Variants in STRN observed in about 807,000 individuals in gnomAD.
The protein encoded by STRN is striatin.
STRN carries 53 observed loss-of-function variants against 96.3 expected under a neutral mutation model. The ratio of observed to expected loss-of-function variants is 0.55; its 90% CI spans 0.44 to 0.69. STRN has a LOEUF of 0.69. STRN is among the 30% of genes least tolerant of loss of function. The pLI is 0.00. For synonymous variants in STRN, 428 were observed against 355.9 expected (o/e 1.20, Z -2.28); for missense variants, 987 against 963.9 (o/e 1.02, Z -0.32).
intron 5 of STRN, 78 bp downstream of exon 5, chr2:36,902,506 A>G: frequency 8.6e-7 from 1 of 1,157,250 alleles, no homozygotes; most frequent in Non-Finnish European, 1.2e-6. Flanking sequence ...ACCTAAAAGT[A>G]CAAGTAATGT....
chr2:36,844,159 C>T lies in STRN; in HGVS notation c.*5297G>A, dbSNP rs1445133649. ...GTTCCTCCTAAAAAAGGTATTAGATCATAGAGTTGGGATTAGGGTAGGGGA... is the reference window on the plus strand; with the variant it reads ...GTTCCTCCTAAAAAAGGTATTAGATTATAGAGTTGGGATTAGGGTAGGGGA... On this transcript the variant is annotated 3_prime_UTR_variant, in exon 18 of 18. Transcript: ENST00000263918. The T allele has an allele frequency of 6.6e-6, 1 of 152,004 alleles. No homozygotes were observed. Among genetic ancestry groups the T allele is most frequent in the Non-Finnish European group, 1.5e-5 (1 of 67,980 alleles). The allele number at this position is 152,004 out of a possible 1,614,324, so 9.4% of individuals were successfully genotyped here.
intron 13 of STRN, among the ~76,000 whole-genome samples, chr2:36,860,644 C>T (rs574571828): frequency 2.0e-5 from 3 of 152,194 alleles, no homozygotes; most frequent in African/African-American, 7.2e-5. Flanking sequence ...TGGTATTGTT[C>T]CCAAAACTAA....
rs1668153966 is a variant in STRN, at chr2:36,849,125, G to A, written c.*331C>T. On this transcript the variant is annotated 3_prime_UTR_variant, in exon 18 of 18. Transcript: ENST00000263918. The stretch of plus-strand genomic sequence containing the variant: ...GCTTTTAAATTATCCATTGTAGCAT[G>A]CCCTACTTACTCAACAGGGACAAGC... The A allele has an allele frequency of 4.3e-6, 1 of 234,958 alleles. No homozygotes were observed. The highest frequency in any genetic ancestry group is 2.2e-5 in the African/African-American group (1 of 44,530). 14.6% of individuals were successfully genotyped at this position (234,958 alleles called of 1,614,324 possible).
At chr2:36,911,022 G>C (rs1436457794) in intron 3 of STRN, among the ~76,000 whole-genome samples, 1 of 152,002 alleles carries the variant, frequency 6.6e-6, no homozygotes, top group African/African-American at 2.4e-5. Context: ...ATGGTAAATA[G>C]ATAAAAGAAC....
intron 8 of STRN, among the ~76,000 whole-genome samples, chr2:36,884,845 G>A (rs1415948005): frequency 6.6e-5 from 10 of 151,750 alleles, no homozygotes; most frequent in African/African-American, 2.2e-4. Context: ...AATTTATGGT[G>A]GTTTATAACT....
chr2:36,899,021 A>G (rs1450458527), intron 6 of STRN, among the ~76,000 whole-genome samples: 5 of 152,200 alleles, frequency 3.3e-5, no homozygotes, highest in Admixed American at 3.3e-4. Context: ...AGAACCTGCC[A>G]TGGGAAAGTC....
At chr2:36,923,334 C>T (rs568382898) in intron 2 of STRN, among the ~76,000 whole-genome samples, 1 of 151,298 alleles carries the variant, frequency 6.6e-6, no homozygotes, top group Admixed American at 6.6e-5. Context: ...GCCTGTAGTC[C>T]CAGCAACTCG....
intron 10 of STRN, among the ~76,000 whole-genome samples, chr2:36,872,517 TA>T (rs1420938930): frequency 6.6e-6 from 1 of 152,194 alleles, no homozygotes; most frequent in African/African-American, 2.4e-5. Flanking sequence ...CCACAGAAAC[TA>T]TGAAGATAAT....
intron 6 of STRN, among the ~76,000 whole-genome samples, chr2:36,898,937 GA>G (rs895613852): frequency 5.9e-5 from 9 of 152,080 alleles, no homozygotes; most frequent in South Asian, 2.1e-4. Context: ...GGAAAAGGGG[GA>G]AAGAGGGAAG....
chr2:36,881,952 C>CGG (rs1558635614), intron 9 of STRN, among the ~76,000 whole-genome samples: 4 of 152,120 alleles, frequency 2.6e-5, no homozygotes, highest in African/African-American at 4.8e-5. Context: ...ATCAACATAC[C>CGG]TACTAAGGAC....
chr2:36,961,857 GC>G (rs1456466894), intron 1 of STRN, among the ~76,000 whole-genome samples: 1 of 152,096 alleles, frequency 6.6e-6, no homozygotes, highest in Non-Finnish European at 1.5e-5. Flanking sequence ...CTCTACTCTA[GC>G]CACTTTTCCC....
At position 36,936,099 on chromosome 2, in the gene STRN, T is replaced by C. The variant is rs559639431; in HGVS notation, c.235-10891A>G. ...AACAATTTCTCTAAAAAAAAACTTA[T>C]GATGCCTAATCCCCTGAATAAAGAC... On this transcript the variant is annotated intron_variant, in intron 1 of 17. Transcript: ENST00000263918. Among the ~76,000 whole-genome samples the C allele has an allele frequency of 3.3e-5, 5 of 152,296 alleles. No homozygotes were observed. In the South Asian group the frequency reaches 1.0e-3, roughly 32 times the overall value.
chr2:36,873,237 T>C (rs1442711388), intron 10 of STRN, among the ~76,000 whole-genome samples: 4 of 152,238 alleles, frequency 2.6e-5, no homozygotes, highest in African/African-American at 9.6e-5. Flanking sequence ...ATTTAAATTA[T>C]AACATTTGGT....
intron 12 of STRN, among the ~76,000 whole-genome samples, chr2:36,862,131 T>A (rs1668504554): frequency 6.6e-6 from 1 of 152,214 alleles, no homozygotes; most frequent in Admixed American, 6.5e-5. Flanking sequence ...TATTCCACGG[T>A]GTCTATGTAC....
At chr2:36,851,929 C>T (rs79769380) in intron 15 of STRN, among the ~76,000 whole-genome samples, 2,249 of 152,290 alleles carry the variant, frequency 0.015, 29 homozygotes, top group Non-Finnish European at 0.026. Context: ...TAAAAGTCAG[C>T]ATCCTAACTG....
At chr2:36,892,976 C>T (rs752295116) in intron 7 of STRN, among the ~76,000 whole-genome samples, 2 of 151,798 alleles carry the variant, frequency 1.3e-5, no homozygotes, top group African/African-American at 2.4e-5. Context: ...GCCAGGATCA[C>T]GCCACTGCAC....
chr2:36,940,434 T>C (rs902360069), intron 1 of STRN, among the ~76,000 whole-genome samples: 13 of 152,134 alleles, frequency 8.5e-5, no homozygotes, highest in Non-Finnish European at 1.5e-5. Context: ...ATACAAATTA[T>C]CACAGTTGAA....
At chr2:36,853,471 G>T (rs969478833) in intron 15 of STRN, among the ~76,000 whole-genome samples, 41 of 152,256 alleles carry the variant, frequency 2.7e-4, no homozygotes, top group Admixed American at 2.5e-3. Flanking sequence ...ATGGAAACAG[G>T]CAAAAGAAAG....
Position 36,847,507 on chromosome 2 carries a change from T to C in STRN, c.*1949A>G, listed in dbSNP as rs1277091469. On this transcript the variant is annotated 3_prime_UTR_variant, in exon 18 of 18. Coordinates refer to ENST00000263918, the MANE Select transcript of STRN (RefSeq NM_003162.4). ...TGAACACAATATGGAATTCTGTATC[T>C]GCATGGAAATATTAAGTATTCACCT... 1.3e-5 allele frequency: 2 copies of C among 152,158 alleles called. No individual in the cohort carries two copies. The highest frequency in any genetic ancestry group is 4.8e-5 in the African/African-American group (2 of 41,448). 9.4% of individuals were successfully genotyped at this position (152,158 alleles called of 1,614,324 possible).
Sources: allele counts gnomAD v4.1 joint callset (sites outside exome capture counted in the v4.1 genomes callset), GRCh38; gene constraint gnomAD v4.1.1; transcripts MANE v1.5; gene names NCBI Gene and HGNC (gene_info 2026-07-23, HGNC 2026-07-21).